LAMP3: variants seen among roughly 807,000 people sequenced by gnomAD.
LAMP3 encodes lysosome associated membrane protein 3.
LAMP3 carries 26 observed loss-of-function variants against 34.8 expected under a neutral mutation model. The observed-to-expected ratio is 0.75, with a 90% CI of 0.55 to 1.04. The LOEUF (loss-of-function observed/expected upper bound fraction) is 1.04, where lower values mean the gene tolerates loss of function less well. LAMP3 is among the 50% of genes least tolerant of loss of function. The pLI is 0.00. For missense variants in LAMP3, 495 were observed against 524.0 expected, an observed-to-expected ratio of 0.94 and a Z score of 0.54; for synonymous variants, 180 against 201.9, an observed-to-expected ratio of 0.89 and a Z score of 0.92.
chr3:183,132,993 G>A (rs1719973333), intron 5 of LAMP3: 1 of 953,280 alleles, frequency 1.0e-6, no homozygotes, highest in Non-Finnish European at 1.2e-6. Context: ...GTTACAGACT[G>A]GCCACAAATG....
intron 1 of LAMP3, chr3:183,162,047 C>T (rs375697873): frequency 1.1e-6 from 1 of 874,228 alleles, no homozygotes; most frequent in Non-Finnish European, 1.4e-6. Flanking sequence ...CAGGAAACTT[C>T]ATCACAGGGA....
intron 3 of LAMP3, among the ~76,000 whole-genome samples, chr3:183,149,309 A>AG (rs1292398044): frequency 6.6e-5 from 10 of 151,658 alleles, no homozygotes; most frequent in Admixed American, 3.9e-4. Context: ...TGGGAGGCTC[A>AG]GGGGGGCGGA....
chr3:183,141,133 G>A (rs565207684), intron 3 of LAMP3, among the ~76,000 whole-genome samples: 4 of 152,288 alleles, frequency 2.6e-5, no homozygotes, highest in African/African-American at 9.6e-5. Context: ...GTGTGTACAT[G>A]TTCTTATGTA....
At chr3:183,131,328 G>A (rs766220537) in intron 5 of LAMP3, among the ~76,000 whole-genome samples, 29 of 152,142 alleles carry the variant, frequency 1.9e-4, no homozygotes, top group Non-Finnish European at 1.0e-4. Flanking sequence ...GTGAGTGGCT[G>A]GTGAATAAAC....
At chr3:183,150,692 G>A (rs557864462) in intron 3 of LAMP3, among the ~76,000 whole-genome samples, 1 of 150,708 alleles carries the variant, frequency 6.6e-6, no homozygotes, top group South Asian at 2.1e-4. Flanking sequence ...GAGTAGCTAG[G>A]GCTACAAGCA....
intron 4 of LAMP3, among the ~76,000 whole-genome samples, chr3:183,138,303 C>T (rs1720163529): frequency 6.6e-6 from 1 of 152,198 alleles, no homozygotes; most frequent in Non-Finnish European, 1.5e-5. Context: ...ATCTTACTTA[C>T]ATTTAACAAT....
At chr3:183,141,270 C>T (rs956014184) in intron 3 of LAMP3, among the ~76,000 whole-genome samples, 1 of 152,048 alleles carries the variant, frequency 6.6e-6, no homozygotes, top group Non-Finnish European at 1.5e-5. Flanking sequence ...AGAAGAGAAC[C>T]CCAAGTGGTT....
At chr3:183,145,855 C>T (rs1195461132) in intron 3 of LAMP3, among the ~76,000 whole-genome samples, 1 of 152,116 alleles carries the variant, frequency 6.6e-6, no homozygotes, top group Non-Finnish European at 1.5e-5. Flanking sequence ...AAAACCTGGT[C>T]TCAAAAACAA....
chr3:183,161,162 G>A (rs7618805), intron 1 of LAMP3, among the ~76,000 whole-genome samples: 3,070 of 152,236 alleles, frequency 0.02, 129 homozygotes, highest in African/African-American at 0.069. Context: ...CTGAGCACCC[G>A]AAAGGTTGGG....
At chr3:183,132,747 C>G in intron 5 of LAMP3, 1 of 985,438 alleles carries the variant, frequency 1.0e-6, no homozygotes, top group Non-Finnish European at 1.2e-6. Context: ...TCAATCCTTT[C>G]ACTTCAGGCT....
chr3:183,135,125 C>T (rs1720043107), intron 5 of LAMP3, among the ~76,000 whole-genome samples: 1 of 152,186 alleles, frequency 6.6e-6, no homozygotes, highest in Admixed American at 6.5e-5. Flanking sequence ...GCAAGCTCTG[C>T]CTGTGATGGT....
At chr3:183,127,142 AT>A (rs1046287297) in intron 5 of LAMP3, among the ~76,000 whole-genome samples, 18 of 149,210 alleles carry the variant, frequency 1.2e-4, no homozygotes, top group East Asian at 5.8e-4. Context: ...AACTCCCCCA[AT>A]TTTTTTTTTG....
At chr3:183,149,119 T>G (rs978118253) in intron 3 of LAMP3, among the ~76,000 whole-genome samples, 1 of 152,124 alleles carries the variant, frequency 6.6e-6, no homozygotes, top group Non-Finnish European at 1.5e-5. Flanking sequence ...CCTTCTCACT[T>G]ATTTGTGGAA....
chr3:183,159,594 C>T (rs2108616014), intron 1 of LAMP3, among the ~76,000 whole-genome samples: 1 of 152,314 alleles, frequency 6.6e-6, no homozygotes, highest in East Asian at 1.9e-4. Flanking sequence ...GAAGCAGCCC[C>T]AGCAGGGTGC....
intron 5 of LAMP3, among the ~76,000 whole-genome samples, chr3:183,128,883 T>C (rs1488266801): frequency 3.9e-5 from 6 of 152,182 alleles, no homozygotes; most frequent in Non-Finnish European, 8.8e-5. Flanking sequence ...TATTTCCTTG[T>C]TTATATTGCG....
rs552507959 is a variant in LAMP3, at chr3:183,153,188, A to G, written c.759+494T>C. 3.3e-5 allele frequency among the ~76,000 whole-genome samples: 5 copies of G among 151,762 alleles called. No individual in the cohort carries two copies. In the South Asian group the frequency reaches 1.0e-3, roughly 31 times the overall value. On this transcript the variant is annotated intron_variant, in intron 2 of 5. Coordinates refer to ENST00000265598, the MANE Select transcript of LAMP3 (RefSeq NM_014398.4). ...AGACTCCGTCTCAAAAAAAAAAAAA[A>G]AAAAGAAAGAAAATATTGTTTTAGT...
chr3:183,152,333 G>C (rs764591665), intron 3 of LAMP3, 42 bp downstream of exon 3: 1 of 1,554,738 alleles, frequency 6.4e-7, no homozygotes, highest in East Asian at 2.3e-5. Context: ...GAGAGGGAAA[G>C]CTGTACCAGA....
rs545996607 is a variant in LAMP3 at position 183,151,883 on chromosome 3, C to T, written c.888+492G>A. ...ACTCTCTGACCTCGATCTATGACTG[C>T]TCTGTCCACATCACTTCCCTGTCTG... is the stretch of plus-strand genomic sequence containing the variant. On this transcript the variant is annotated intron_variant, in intron 3 of 5. Coordinates refer to ENST00000265598, the MANE Select transcript of LAMP3 (RefSeq NM_014398.4). Among the ~76,000 whole-genome samples the T allele has an allele frequency of 6.0e-3, 909 of 152,338 alleles. 6 individuals carry two copies. Among genetic ancestry groups the T allele is most frequent in the Non-Finnish European group, 9.5e-3 (647 of 68,032 alleles).
Position 183,122,469 on chromosome 3 carries a change from A to G in LAMP3, c.*1612T>C, listed in dbSNP as rs1031360999. ...AATAAAATTCTTGGCAGGCTGCTCT[A>G]CAGAATAAAGTGAACAATAGGAAAT... On this transcript the variant is annotated 3_prime_UTR_variant, in exon 6 of 6. Transcript: ENST00000265598. 2 of 152,252 alleles carry G rather than the reference A, an allele frequency of 1.3e-5. No individual in the cohort carries two copies. The highest frequency in any genetic ancestry group is 4.8e-5 in the African/African-American group (2 of 41,464). 9.4% of individuals were successfully genotyped at this position (152,252 alleles called of 1,614,324 possible). A position where few individuals can be genotyped will look rare whatever the true frequency, so the allele number is the denominator to read the frequency against.
Sources: gnomAD v4.1 joint callset for allele counts (sites outside exome capture counted in the v4.1 genomes callset) on GRCh38, gnomAD v4.1.1 for gene constraint, MANE v1.5 for transcripts, NCBI Gene and HGNC (gene_info 2026-07-23, HGNC 2026-07-21) for gene names.